Variants in DOCK11 observed in about 807,000 individuals in gnomAD.
The protein encoded by DOCK11 is dedicator of cytokinesis 11.
Under a neutral mutation model 169.1 loss-of-function variants are expected in DOCK11, and 70 were observed. The observed-to-expected ratio is 0.41, with a 90% CI of 0.34 to 0.51. The LOEUF is 0.51. DOCK11 is among the 20% of genes least tolerant of loss of function. The pLI is 0.10. For missense variants in DOCK11, 1,166 were observed against 1,538.8 expected, an observed-to-expected ratio of 0.76 and a Z score of 4.05; for synonymous variants, 529 against 541.3, an observed-to-expected ratio of 0.98 and a Z score of 0.32.
At chrX:118,532,735 C>CGCG (rs2011624942) in intron 1 of DOCK11, among the ~76,000 whole-genome samples, 2 of 98,475 alleles carry the variant, frequency 2.0e-5, no homozygotes, top group Non-Finnish European at 4.1e-5. Context: ...GAGCCGAGAT[C>CGCG]GCGCCACTGC....
At chrX:118,647,876 TATA>T (rs1296720292) in intron 40 of DOCK11, among the ~76,000 whole-genome samples, 1 of 51,066 alleles carries the variant, frequency 2.0e-5, no homozygotes, top group Non-Finnish European at 3.1e-5. Flanking sequence ...ACATGTAATA[TATA>T]ATATTTAATA....
intron 31 of DOCK11, among the ~76,000 whole-genome samples, chrX:118,619,460 G>A (rs1275609771): frequency 1.3e-5 from 1 of 79,726 alleles, no homozygotes; most frequent in Non-Finnish European, 2.3e-5. Context: ...CAGCCTGGGC[G>A]ACAGAGTGAA....
At chrX:118,580,386 G>A (rs922058751) in intron 14 of DOCK11, among the ~76,000 whole-genome samples, 13 of 111,556 alleles carry the variant, frequency 1.2e-4, no homozygotes, top group Non-Finnish European at 1.5e-4. Context: ...GCGCGATCTC[G>A]GCTCACCACA....
chrX:118,602,901 TG>T (rs2147447404), intron 23 of DOCK11, among the ~76,000 whole-genome samples: 2 of 112,235 alleles, frequency 1.8e-5, no homozygotes, highest in Non-Finnish European at 3.8e-5. Flanking sequence ...CCATGTAGTA[TG>T]GGCCAGACAT....
At chrX:118,535,181 A>G (rs950384039) in intron 1 of DOCK11, among the ~76,000 whole-genome samples, 1 of 112,054 alleles carries the variant, frequency 8.9e-6, no homozygotes, top group East Asian at 2.8e-4. Flanking sequence ...GAGCTGAGAA[A>G]ATGATTTGCT....
At chrX:118,577,532 T>C (rs763846006) in intron 12 of DOCK11, among the ~76,000 whole-genome samples, 47 of 112,334 alleles carry the variant, frequency 4.2e-4, no homozygotes, top group African/African-American at 1.5e-3. Context: ...TTTGAACCAC[T>C]TTGTTCACTT....
rs2014062602 is a variant in DOCK11, at chrX:118,593,352, TA to T, written c.2263+18del. 3.4e-6 allele frequency: 4 copies of T among 1,188,654 alleles called. No individual in the cohort carries two copies. Among genetic ancestry groups the T allele is most frequent in the Non-Finnish European group, 4.5e-6 (4 of 885,700 alleles). ...TGAAACTCCAGGTACGTGTTCTCTT[TA>T]AATGTCTCTCTCTACAGTTATTTGA... On this transcript the variant is annotated intron_variant, in intron 20 of 52. Transcript: ENST00000276202.
chrX:118,654,524 C>T, intron 42 of DOCK11, 78 bp from the exon 43 acceptor site: 2 of 948,271 alleles, frequency 2.1e-6, no homozygotes, highest in Non-Finnish European at 3.0e-6. Context: ...AATCATATGT[C>T]CTCAGCATTG....
In DOCK11 at chrX:118,500,052, CT is replaced by C. The variant is rs1196735132; in HGVS notation, c.102+3994del. Among the ~76,000 whole-genome samples, 274 of 97,690 alleles carry C rather than the reference CT, an allele frequency of 2.8e-3. 1 individual carries two copies. The highest frequency in any genetic ancestry group is 3.9e-3 in the Admixed American group (35 of 9,010). 84.8% of individuals were successfully genotyped at this position (97,690 alleles called of 115,157 possible). ...ACCTTTGTTTTTTAAGCTTTCATTG[CT>C]TTTTTTTTTTTTTTAGACGGAATCT... is the stretch of plus-strand genomic sequence containing the variant. On this transcript the variant is annotated intron_variant, in intron 1 of 52. Coordinates refer to ENST00000276202, the MANE Select transcript of DOCK11 (RefSeq NM_144658.4).
chrX:118,598,208 A>G, intron 22 of DOCK11, 92 bp downstream of exon 22: 2 of 618,234 alleles, frequency 3.2e-6, no homozygotes, highest in African/African-American at 2.2e-5. Context: ...CTTAGAGAAT[A>G]TGTGACCTGC....
chrX:118,654,518 A>G, intron 42 of DOCK11, 84 bp from the exon 43 acceptor site: 3 of 897,305 alleles, frequency 3.3e-6, no homozygotes, highest in East Asian at 3.1e-5. Context: ...AGTGAAAATC[A>G]TATGTCCTCA....
At chrX:118,595,612 A>C (rs1458649796) in intron 20 of DOCK11, among the ~76,000 whole-genome samples, 2 of 112,225 alleles carry the variant, frequency 1.8e-5, no homozygotes, top group African/African-American at 6.5e-5. Flanking sequence ...CCTGAAAGCT[A>C]AATTACTGAT....
At chrX:118,672,728 C>T (rs762805289) in intron 46 of DOCK11, among the ~76,000 whole-genome samples, 1 of 113,199 alleles carries the variant, frequency 8.8e-6, no homozygotes, top group Non-Finnish European at 1.9e-5. Flanking sequence ...AGCCACCGTG[C>T]CCGGCCTGGC....
chrX:118,544,644 G>GTTTTTTTTTT (rs1439441148), intron 4 of DOCK11, among the ~76,000 whole-genome samples: 5 of 45,741 alleles, frequency 1.1e-4, no homozygotes, highest in South Asian at 1.4e-3. Flanking sequence ...TTACACTGTT[G>GTTTTTTTTTT]CTTTTTTTTT....
chrX:118,539,313 C>T lies in DOCK11; in HGVS notation c.103-3412C>T, dbSNP rs767533540. 6.5e-4 allele frequency among the ~76,000 whole-genome samples: 73 copies of T among 111,713 alleles called. 1 individual carries two copies. Among genetic ancestry groups the T allele is most frequent in the African/African-American group, 2.3e-3 (70 of 30,765 alleles). Reference sequence around the variant, plus strand: ...GTAATTCAGGAATTGGAGAACATTACGCTAAGTGAAGTATGTCAGGCAAAG... The same window carrying T: ...GTAATTCAGGAATTGGAGAACATTATGCTAAGTGAAGTATGTCAGGCAAAG... On this transcript the variant is annotated intron_variant, in intron 1 of 52. Coordinates refer to ENST00000276202, the MANE Select transcript of DOCK11 (RefSeq NM_144658.4).
intron 40 of DOCK11, among the ~76,000 whole-genome samples, chrX:118,648,050 A>G (rs1203819102): frequency 1.6e-5 from 1 of 62,183 alleles, no homozygotes; most frequent in East Asian, 4.4e-4. Flanking sequence ...AATATAATAT[A>G]TAATATATAA....
chrX:118,609,758 G>T (rs2147461213), intron 27 of DOCK11, among the ~76,000 whole-genome samples: 1 of 112,155 alleles, frequency 8.9e-6, no homozygotes, highest in East Asian at 2.8e-4. Flanking sequence ...AACACTTTAT[G>T]CACTAGATAT....
rs775004733 is a variant in DOCK11, at chrX:118,496,029, C to A, written c.58C>A (p.Leu20Ile). 2.7e-6 allele frequency: 3 copies of A among 1,094,860 alleles called. No homozygotes were observed. The highest frequency in any genetic ancestry group is 3.6e-6 in the Non-Finnish European group (3 of 842,837). 90.2% of individuals were successfully genotyped at this position (1,094,860 alleles called of 1,213,427 possible). ...RLSKPGTAAE[L>I]RQSVSEAVRG... ...CAGCAAGCCTGGCACGGCGGCTGAG[C>A]TCCGGCAGAGCGTGTCTGAGGCCGT... The change falls in exon 1 of 53, where the codon CTC (leucine) becomes ATC (isoleucine). Residue 20 changes from leucine (L) to isoleucine (I), a missense_variant. Leu to Ile is a conservative substitution (Grantham distance 5). Coordinates refer to ENST00000276202, the MANE Select transcript of DOCK11 (RefSeq NM_144658.4).
chrX:118,607,065 TTTTCC>T (rs1034802148), intron 24 of DOCK11, among the ~76,000 whole-genome samples: 3 of 106,699 alleles, frequency 2.8e-5, no homozygotes, highest in Non-Finnish European at 5.8e-5. Context: ...TTCCTTTTCC[TTTTCC>T]TTTCCTTTCC....
Sources: allele counts gnomAD v4.1 joint callset (sites outside exome capture counted in the v4.1 genomes callset), GRCh38; gene constraint gnomAD v4.1.1; transcripts MANE v1.5; gene names NCBI Gene and HGNC (gene_info 2026-07-23, HGNC 2026-07-21).